Variants in GRIP1 observed in about 807,000 individuals in gnomAD.
GRIP1 encodes glutamate receptor interacting protein 1.
In GRIP1, 45 loss-of-function variants were observed where a neutral mutation model predicts 129.9. The observed-to-expected ratio is 0.35, with a 90% CI of 0.27 to 0.44. The LOEUF is 0.44. GRIP1 is among the 20% of genes least tolerant of loss of function. GRIP1 has a pLI of 1.00. For synonymous variants in GRIP1, 530 were observed against 520.8 expected (o/e 1.02, Z -0.24); for missense variants, 1,196 against 1,396.8 (o/e 0.86, Z 2.29).
At chr12:66,569,118 T>G (rs1305996136) in intron 2 of GRIP1, 1 of 232,662 alleles carries the variant, frequency 4.3e-6, no homozygotes. Flanking sequence ...TTTCTTTCTC[T>G]GCTTATTATC....
At position 66,986,638 on chromosome 12, in the gene GRIP1, C is replaced by T. The variant is rs536400852; in HGVS notation, c.58+82412G>A. 6.2e-3 allele frequency among the ~76,000 whole-genome samples: 839 copies of T among 135,848 alleles called. 9 individuals are homozygous for T. Among genetic ancestry groups the T allele is most frequent in the African/African-American group, 0.021 (775 of 36,112 alleles). 89.1% of individuals were successfully genotyped at this position (135,848 alleles called of 152,430 possible). A position where few individuals can be genotyped will look rare whatever the true frequency, so the allele number is the denominator to read the frequency against. On this transcript the variant is annotated intron_variant, in intron 1 of 1. Coordinates refer to the GRIP1 transcript ENST00000643019. ...GTGGGAATTGAACAGTGAGAACACA[C>T]GGACACAGGAAGGGGAACATCACAC... is the stretch of plus-strand genomic sequence containing the variant.
chr12:66,901,489 T>C (rs777640409), intron 1 of GRIP1, among the ~76,000 whole-genome samples: 2 of 152,252 alleles, frequency 1.3e-5, no homozygotes, highest in South Asian at 2.1e-4. Flanking sequence ...AATCACATTA[T>C]ATATTTTGAC....
intron 1 of GRIP1, among the ~76,000 whole-genome samples, chr12:66,640,358 A>G (rs10878477): frequency 0.054 from 8,265 of 152,274 alleles, 392 homozygotes; most frequent in African/African-American, 0.12. Flanking sequence ...GTTCAACATC[A>G]GACAAGCATA....
intron 2 of GRIP1, among the ~76,000 whole-genome samples, chr12:66,588,430 G>T (rs1416423331): frequency 6.6e-6 from 1 of 152,062 alleles, no homozygotes; most frequent in East Asian, 1.9e-4. Context: ...GACTTGGATG[G>T]ACAGAGATCA....
chr12:66,873,049 A>G (rs1486706704), intron 1 of GRIP1, among the ~76,000 whole-genome samples: 1 of 152,042 alleles, frequency 6.6e-6, no homozygotes, highest in South Asian at 2.1e-4. Flanking sequence ...GGCCTACTCA[A>G]TAGAGTACCT....
intron 17 of GRIP1, 82 bp from the exon 18 acceptor site, chr12:66,392,898 A>G (rs760640300): frequency 3.6e-5 from 47 of 1,290,774 alleles, no homozygotes; most frequent in Non-Finnish European, 4.3e-5. Context: ...TACCTTATAC[A>G]TTCATCATAA....
At position 66,751,354 on chromosome 12, in the gene GRIP1, C is replaced by A. The variant is rs538580571; in HGVS notation, c.-420+52699G>T. ...AGGGATGTGGCTCTTAACGGATGCT[C>A]AAAGTACAGGCAGAAAAGGGGTAAC... On this transcript the variant is annotated intron_variant, in intron 1 of 4. Coordinates refer to the GRIP1 transcript ENST00000538373. Among the ~76,000 whole-genome samples, 35 of 152,260 alleles carry A rather than the reference C, an allele frequency of 2.3e-4. 2 individuals are homozygous for A. In the South Asian group the frequency reaches 7.3e-3, roughly 32 times the overall value.
At chr12:66,962,156 T>C (rs185898821) in intron 1 of GRIP1, among the ~76,000 whole-genome samples, 1 of 152,334 alleles carries the variant, frequency 6.6e-6, no homozygotes, top group Admixed American at 6.5e-5. Context: ...GTAGTGGTGA[T>C]GCAAGCATAG....
At chr12:67,061,244 C>T (rs543953589) in intron 1 of GRIP1, among the ~76,000 whole-genome samples, 174 of 152,312 alleles carry the variant, frequency 1.1e-3, no homozygotes, top group Non-Finnish European at 2.0e-3. Context: ...AGATGGCCTG[C>T]TAATAGGCAA....
chr12:66,930,940 T>A (rs2041384652), intron 1 of GRIP1, among the ~76,000 whole-genome samples: 1 of 152,172 alleles, frequency 6.6e-6, no homozygotes, highest in Admixed American at 6.5e-5. Flanking sequence ...AGGATTCTAG[T>A]CTAATTTAGA....
upstream of GRIP1, among the ~76,000 whole-genome samples, chr12:66,682,404 C>G (rs1224638290): frequency 6.6e-6 from 1 of 152,100 alleles, no homozygotes; most frequent in Admixed American, 6.6e-5. Flanking sequence ...CTGTGTCATG[C>G]TGGTTTTGAA....
chr12:66,981,045 G>T (rs181337529), intron 1 of GRIP1, among the ~76,000 whole-genome samples: 2 of 152,202 alleles, frequency 1.3e-5, no homozygotes, highest in Non-Finnish European at 1.5e-5. Flanking sequence ...GATTTAAAAG[G>T]CCTTCTATTC....
intron 1 of GRIP1, among the ~76,000 whole-genome samples, chr12:66,811,701 TAAGAA>T (rs1409476522): frequency 6.6e-6 from 1 of 152,146 alleles, no homozygotes; most frequent in African/African-American, 2.4e-5. Context: ...TACTTGGAGA[TAAGAA>T]AAGTCTACTT....
intron 1 of GRIP1, among the ~76,000 whole-genome samples, chr12:67,068,606 A>AC (rs1359742359): frequency 3.3e-5 from 5 of 151,996 alleles, no homozygotes; most frequent in African/African-American, 4.8e-5. Flanking sequence ...AGAGGCGGGG[A>AC]CAACGCGAGG....
chr12:66,750,177 C>T (rs1297511393), intron 1 of GRIP1, among the ~76,000 whole-genome samples: 9 of 152,070 alleles, frequency 5.9e-5, no homozygotes, highest in Non-Finnish European at 8.8e-5. Context: ...AGGAAAATTC[C>T]ACCTGTCAAG....
At chr12:66,453,192 T>C (rs1361638398) in intron 11 of GRIP1, among the ~76,000 whole-genome samples, 5 of 152,248 alleles carry the variant, frequency 3.3e-5, no homozygotes, top group Admixed American at 6.5e-5. Flanking sequence ...AAATTTAAGA[T>C]ATGAAAATAT....
chr12:66,398,334 G>C (rs538284647), intron 16 of GRIP1, among the ~76,000 whole-genome samples: 29 of 152,026 alleles, frequency 1.9e-4, no homozygotes, highest in Admixed American at 5.2e-4. Context: ...CAAGAGCTGA[G>C]CTGGCCCCCA....
At chr12:67,044,934 C>T (rs1426006951) in intron 1 of GRIP1, among the ~76,000 whole-genome samples, 1 of 152,040 alleles carries the variant, frequency 6.6e-6, no homozygotes, top group Non-Finnish European at 1.5e-5. Context: ...CACAATAACC[C>T]AAAGAAGGTA....
chr12:66,379,946 T>C (rs1468307543), intron 19 of GRIP1, among the ~76,000 whole-genome samples: 2 of 152,134 alleles, frequency 1.3e-5, no homozygotes, highest in African/African-American at 4.8e-5. Context: ...TGCTCTGTCA[T>C]CCAGGATGGA....
Sources: allele counts gnomAD v4.1 joint callset (sites outside exome capture counted in the v4.1 genomes callset), GRCh38; gene constraint gnomAD v4.1.1; transcripts MANE v1.5; gene names NCBI Gene and HGNC (gene_info 2026-07-23, HGNC 2026-07-21).